TIGAR: variants seen among roughly 807,000 people sequenced by gnomAD.
TIGAR encodes fructose-2,6-bisphosphatase TIGAR.
A neutral mutation model predicts 17.9 loss-of-function variants in TIGAR; 7 were observed. The ratio of observed to expected loss-of-function variants is 0.39; its 90% confidence interval spans 0.22 to 0.73. The LOEUF (loss-of-function observed/expected upper bound fraction) is 0.73, where lower values mean the gene tolerates loss of function less well. TIGAR is among the 30% of genes least tolerant of loss of function. The probability of loss-of-function intolerance (pLI) is 0.42; values close to 1 mark genes in which losing one functional copy is unlikely to be tolerated. For missense variants in TIGAR, 258 were observed against 327.4 expected (o/e 0.79, Z 1.64); for synonymous variants, 94 against 108.6 (o/e 0.87, Z 0.84).
At chr12:4,322,831 A>G (rs1434776784) in intron 1 of TIGAR, among the ~76,000 whole-genome samples, 1 of 152,132 alleles carries the variant, frequency 6.6e-6, no homozygotes. Flanking sequence ...GTTGTATAGA[A>G]TGCCTTGGGA....
At chr12:4,335,812 A>G (rs1169475434) in intron 2 of TIGAR, among the ~76,000 whole-genome samples, 2 of 152,194 alleles carry the variant, frequency 1.3e-5, no homozygotes, top group Non-Finnish European at 2.9e-5. Context: ...GTACTGGGTA[A>G]TATCTTCTGC....
chr12:4,325,615 G>A (rs1171247903), intron 1 of TIGAR, among the ~76,000 whole-genome samples: 2 of 151,780 alleles, frequency 1.3e-5, no homozygotes, highest in African/African-American at 4.8e-5. Flanking sequence ...AGTGGCACTC[G>A]CCTGTAATCC....
At chr12:4,340,755 A>C (rs137994564) in intron 3 of TIGAR, among the ~76,000 whole-genome samples, 127 of 152,350 alleles carry the variant, frequency 8.3e-4, no homozygotes, top group African/African-American at 3.0e-3. Flanking sequence ...ATCTGCAGCA[A>C]ATTCATTTTT....
intron 2 of TIGAR, among the ~76,000 whole-genome samples, chr12:4,332,471 TGACCTCA>T (rs936919695): frequency 2.6e-5 from 4 of 152,214 alleles, no homozygotes; most frequent in African/African-American, 9.6e-5. Flanking sequence ...CTTGAACTCC[TGACCTCA>T]GTTGATATGC....
rs1864886331 is a variant in TIGAR at position 4,355,225 on chromosome 12, G to A, written c.*2534G>A. Among the ~76,000 whole-genome samples, 1 of 151,974 alleles carries A rather than the reference G, an allele frequency of 6.6e-6. No homozygotes were observed. Among genetic ancestry groups the A allele is most frequent in the African/African-American group, 2.4e-5 (1 of 41,346 alleles). On this transcript the variant is annotated 3_prime_UTR_variant, in exon 6 of 6. Transcript: ENST00000179259. ...TTGAAATTTGCTTTTTATAGTATAA[G>A]GTAAGAATTTAATTTTTTTTTTCAT...
chr12:4,349,577 C>A (rs1293060679), intron 3 of TIGAR, among the ~76,000 whole-genome samples: 2 of 152,104 alleles, frequency 1.3e-5, no homozygotes, highest in Non-Finnish European at 2.9e-5. Flanking sequence ...GCCACCACAT[C>A]CGGCTAATTT....
intron 3 of TIGAR, among the ~76,000 whole-genome samples, chr12:4,346,006 T>C (rs1322590492): frequency 6.6e-6 from 1 of 152,134 alleles, no homozygotes; most frequent in Non-Finnish European, 1.5e-5. Flanking sequence ...GATGAAAAAA[T>C]GCTCATCATC....
chr12:4,342,573 G>A (rs970116902), intron 3 of TIGAR, among the ~76,000 whole-genome samples: 2 of 152,170 alleles, frequency 1.3e-5, no homozygotes, highest in Non-Finnish European at 2.9e-5. Flanking sequence ...GAGAGTGGGG[G>A]CCAATATTCA....
At position 4,354,968 on chromosome 12, in the gene TIGAR, T is replaced by C. The variant is rs1166684583; in HGVS notation, c.*2277T>C. ...CTGGTCTTGAACTTCTGACCTCAGGTGATCCACCTGCCTTGGCCTTCCAAA... is the reference window on the plus strand; with the variant it reads ...CTGGTCTTGAACTTCTGACCTCAGGCGATCCACCTGCCTTGGCCTTCCAAA... On this transcript the variant is annotated 3_prime_UTR_variant, in exon 6 of 6. Transcript: ENST00000179259. Among the ~76,000 whole-genome samples the C allele has an allele frequency of 2.0e-5, 3 of 151,474 alleles. No individual in the cohort carries two copies. Among genetic ancestry groups the C allele is most frequent in the African/African-American group, 7.3e-5 (3 of 41,236 alleles).
chr12:4,331,161 G>A, intron 1 of TIGAR, 119 bp from the exon 2 acceptor site: 1 of 852,098 alleles, frequency 1.2e-6, no homozygotes, highest in Non-Finnish European at 2.0e-6. Flanking sequence ...ATTATGAAGT[G>A]TGTTACAAGT....
chr12:4,338,975 C>CAAAAAAAAAAAAAAAAAAAAA lies in TIGAR; in HGVS notation c.192+1816_192+1817insAAAAAAAAAAAAAAAAAAAAA, dbSNP rs199840929. The stretch of plus-strand genomic sequence containing the variant: ...TGGGCAACAAAGCAAAACTTTGTCT[C>CAAAAAAAAAAAAAAAAAAAAA]ACAAAAAAAAAAAAAAAAAAAAAGA... On this transcript the variant is annotated intron_variant, in intron 3 of 5. Transcript: ENST00000179259. Among the ~76,000 whole-genome samples the CAAAAAAAAAAAAAAAAAAAAA allele has an allele frequency of 1.8e-4, 7 of 38,188 alleles. 2 individuals are homozygous for CAAAAAAAAAAAAAAAAAAAAA. The highest frequency in any genetic ancestry group is 2.9e-3 in the South Asian group (2 of 694). 25.1% of individuals were successfully genotyped at this position (38,188 alleles called of 152,430 possible). A position where few individuals can be genotyped will look rare whatever the true frequency, so the allele number is the denominator to read the frequency against.
Position 4,337,440 on chromosome 12 carries a change from G to A in TIGAR, c.192+280G>A, listed in dbSNP as rs551560717. ...CTCCCAAAGTGCTGGGATTACAGGC[G>A]TGAGCCACCACGCCCAGCAACAGGT... On this transcript the variant is annotated intron_variant, in intron 3 of 5. Coordinates refer to ENST00000179259, the MANE Select transcript of TIGAR (RefSeq NM_020375.3). Among the ~76,000 whole-genome samples, 92 of 152,262 alleles carry A rather than the reference G, an allele frequency of 6.0e-4. 3 individuals are homozygous for A. The highest frequency in any genetic ancestry group is 3.3e-4 in the Admixed American group (5 of 15,306).
intron 1 of TIGAR, among the ~76,000 whole-genome samples, chr12:4,327,926 A>G (rs1025919632): frequency 6.6e-6 from 1 of 152,098 alleles, no homozygotes; most frequent in Non-Finnish European, 1.5e-5. Flanking sequence ...TCGGCCTCCC[A>G]AAGTGCTGGG....
rs574742531 is a variant in TIGAR at position 4,357,376 on chromosome 12, C to G, written c.*4685C>G. Among the ~76,000 whole-genome samples, 6 of 152,274 alleles carry G rather than the reference C, an allele frequency of 3.9e-5. No individual in the cohort carries two copies. The highest frequency in any genetic ancestry group is 1.4e-4 in the African/African-American group (6 of 41,558). Reference sequence around the variant, plus strand: ...CTGTTAAGCACAGACACAGGAGATGCAAAGGAAAGAAGTATTCAGTAGAGC... The same window carrying G: ...CTGTTAAGCACAGACACAGGAGATGGAAAGGAAAGAAGTATTCAGTAGAGC... On this transcript the variant is annotated 3_prime_UTR_variant, in exon 6 of 6. Coordinates refer to ENST00000179259, the MANE Select transcript of TIGAR (RefSeq NM_020375.3).
intron 3 of TIGAR, among the ~76,000 whole-genome samples, chr12:4,347,939 C>T (rs1864799171): frequency 6.6e-6 from 1 of 151,994 alleles, no homozygotes; most frequent in African/African-American, 2.4e-5. Context: ...AGTTTGAGAC[C>T]AGCCTGGGCA....
At chr12:4,333,988 TC>T (rs777131540) in intron 2 of TIGAR, among the ~76,000 whole-genome samples, 1 of 152,154 alleles carries the variant, frequency 6.6e-6, no homozygotes, top group Non-Finnish European at 1.5e-5. Flanking sequence ...GTTTTTTTTT[TC>T]CCCTTCTTTT....
rs192691185 is a variant in TIGAR, at chr12:4,335,285, C to T, written c.71-1754C>T. Among the ~76,000 whole-genome samples the T allele has an allele frequency of 1.7e-3, 266 of 152,256 alleles. 3 individuals carry two copies. The highest frequency in any genetic ancestry group is 0.016 in the Admixed American group (248 of 15,290). ...CTCCTGACCTCGAGTGATCCACCCCCTTCAGCCTCCCAAAGTGCTGGGATT... is the reference window on the plus strand; with the variant it reads ...CTCCTGACCTCGAGTGATCCACCCCTTTCAGCCTCCCAAAGTGCTGGGATT... On this transcript the variant is annotated intron_variant, in intron 2 of 5. Coordinates refer to ENST00000179259, the MANE Select transcript of TIGAR (RefSeq NM_020375.3).
rs942895368 is a variant in TIGAR at position 4,356,000 on chromosome 12, C to T, written c.*3309C>T. ...GAGGACAGGCCACATGGCCTGGTGGCCTGTGCTGAGGCCTTGGGCTTTTAC... is the reference window on the plus strand; with the variant it reads ...GAGGACAGGCCACATGGCCTGGTGGTCTGTGCTGAGGCCTTGGGCTTTTAC... On this transcript the variant is annotated 3_prime_UTR_variant, in exon 6 of 6. Transcript: ENST00000179259. 1.3e-5 allele frequency among the ~76,000 whole-genome samples: 2 copies of T among 152,152 alleles called. No homozygotes were observed. The highest frequency in any genetic ancestry group is 4.8e-5 in the African/African-American group (2 of 41,444).
intron 3 of TIGAR, among the ~76,000 whole-genome samples, chr12:4,345,443 G>A (rs974987426): frequency 3.3e-5 from 5 of 152,266 alleles, no homozygotes; most frequent in African/African-American, 1.2e-4. Context: ...AGAGCCCTCA[G>A]AAATAATACC....
Sources: allele counts gnomAD v4.1 joint callset (sites outside exome capture counted in the v4.1 genomes callset), GRCh38; gene constraint gnomAD v4.1.1; transcripts MANE v1.5; gene names NCBI Gene and HGNC (gene_info 2026-07-23, HGNC 2026-07-21).